ITGBL1: variants seen among roughly 807,000 people sequenced by gnomAD.
ITGBL1 encodes integrin beta-like protein 1.
ITGBL1 carries 51 observed loss-of-function variants against 68.5 expected under a neutral mutation model. The observed-to-expected ratio is 0.74, with a 90% CI of 0.59 to 0.94. The LOEUF (loss-of-function observed/expected upper bound fraction) is 0.94. ITGBL1 is among the 40% of genes least tolerant of loss of function. ITGBL1 has a pLI of 0.00. For missense variants in ITGBL1, 649 were observed against 647.4 expected (o/e 1.00, Z -0.03); for synonymous variants, 209 against 227.3 (o/e 0.92, Z 0.72).
Position 101,519,631 on chromosome 13 carries a change from C to T in ITGBL1, c.317-48068C>T, listed in dbSNP as rs529252327. On this transcript the variant is annotated intron_variant, in intron 2 of 10. Transcript: ENST00000376180. ...TTTTAATAATCTGAGTAAATGCATG[C>T]GTTTTTCCTTCTTAAATGCAAACAG... Among the ~76,000 whole-genome samples, 5 of 152,178 alleles carry T rather than the reference C, an allele frequency of 3.3e-5. No homozygotes were observed. The South Asian group carries it at 6.2e-4, about 19-fold the overall frequency.
At chr13:101,609,884 T>G (rs1254761597) in intron 7 of ITGBL1, among the ~76,000 whole-genome samples, 1 of 152,130 alleles carries the variant, frequency 6.6e-6, no homozygotes, top group Non-Finnish European at 1.5e-5. Context: ...ACAGTTTGTA[T>G]CAAAGATAGG....
Position 101,692,662 on chromosome 13 carries a change from G to T in ITGBL1, c.1093G>T (p.Asp365Tyr), listed in dbSNP as rs1393349594. Residue 365 changes from aspartate to tyrosine, a missense_variant, in exon 8 of 11, where the codon GAT (aspartate) becomes TAT (tyrosine). By Grantham distance (160) the Asp-to-Tyr change is radical (BLOSUM62 -3). Transcript: ENST00000376180. ...GTATGGCAAGACTTGTGAGTGTGAT[G>T]ATCGCCGCTGTGAAGACCTCGATGG... is the stretch of plus-strand genomic sequence containing the variant. ...RVYGKTCECD[D>Y]RRCEDLDGVV... 3.7e-6 allele frequency: 6 copies of T among 1,613,766 alleles called. No homozygotes were observed. Among genetic ancestry groups the T allele is most frequent in the East Asian group, 2.2e-5 (1 of 44,878 alleles).
At chr13:101,621,892 G>T (rs1166987052) in intron 7 of ITGBL1, among the ~76,000 whole-genome samples, 6 of 152,124 alleles carry the variant, frequency 3.9e-5, no homozygotes, top group Admixed American at 3.9e-4. Flanking sequence ...AAGGAAATAA[G>T]CCAGAGGCAG....
At chr13:101,613,738 G>T (rs1270910541) in intron 7 of ITGBL1, among the ~76,000 whole-genome samples, 2 of 152,110 alleles carry the variant, frequency 1.3e-5, no homozygotes, top group Admixed American at 1.3e-4. Flanking sequence ...GCTTGCAGAA[G>T]TATTTTTAAA....
At chr13:101,596,000 T>A (rs187461938) in intron 6 of ITGBL1, among the ~76,000 whole-genome samples, 35 of 152,288 alleles carry the variant, frequency 2.3e-4, no homozygotes, top group Middle Eastern at 3.4e-3. Context: ...ATATGTAACA[T>A]GATGTTTTGA....
At chr13:101,577,409 A>G (rs534936495) in intron 4 of ITGBL1, among the ~76,000 whole-genome samples, 2 of 152,308 alleles carry the variant, frequency 1.3e-5, no homozygotes, top group East Asian at 1.9e-4. Context: ...GTCTTGTTCA[A>G]TATTTTTATT....
chr13:101,560,025 A>G (rs1371847028), intron 2 of ITGBL1, among the ~76,000 whole-genome samples: 1 of 152,176 alleles, frequency 6.6e-6, no homozygotes, highest in Non-Finnish European at 1.5e-5. Flanking sequence ...ATACCTAAGG[A>G]ACATTTTTTT....
intron 7 of ITGBL1, among the ~76,000 whole-genome samples, chr13:101,663,135 A>C (rs1259624970): frequency 6.6e-6 from 1 of 152,188 alleles, no homozygotes; most frequent in East Asian, 1.9e-4. Context: ...ATATTTAAAT[A>C]GATGTTGAAT....
At chr13:101,519,163 C>G (rs1451417279) in intron 2 of ITGBL1, among the ~76,000 whole-genome samples, 3 of 151,798 alleles carry the variant, frequency 2.0e-5, no homozygotes, top group Non-Finnish European at 2.9e-5. Flanking sequence ...GAAAATAAAC[C>G]TTTTTGGGGG....
At chr13:101,573,512 G>GAATATACT (rs1214542945) in intron 3 of ITGBL1, among the ~76,000 whole-genome samples, 1 of 152,066 alleles carries the variant, frequency 6.6e-6, no homozygotes, top group East Asian at 1.9e-4. Context: ...TAAATATGAT[G>GAATATACT]AATATACTCT....
At chr13:101,564,736 A>G (rs1441020812) in intron 2 of ITGBL1, among the ~76,000 whole-genome samples, 1 of 150,746 alleles carries the variant, frequency 6.6e-6, no homozygotes, top group Non-Finnish European at 1.5e-5. Flanking sequence ...ACACAGGTAT[A>G]TATGTATGTG....
At chr13:101,521,118 C>G (rs1018568819) in intron 2 of ITGBL1, among the ~76,000 whole-genome samples, 3 of 152,108 alleles carry the variant, frequency 2.0e-5, no homozygotes, top group African/African-American at 7.2e-5. Context: ...TGGGTCGATT[C>G]GAAAGAACAG....
intron 2 of ITGBL1, among the ~76,000 whole-genome samples, chr13:101,468,013 G>A (rs748302619): frequency 1.3e-4 from 20 of 152,044 alleles, no homozygotes; most frequent in Non-Finnish European, 2.5e-4. Flanking sequence ...TGAAAACGTG[G>A]TAAATGCATT....
chr13:101,671,584 GC>G (rs1555365733), intron 7 of ITGBL1, among the ~76,000 whole-genome samples: 4 of 149,652 alleles, frequency 2.7e-5, no homozygotes, highest in Non-Finnish European at 1.5e-5. Flanking sequence ...GACTACAGGC[GC>G]CCGCCACCAC....
At chr13:101,588,213 T>A (rs1278953845) in intron 6 of ITGBL1, among the ~76,000 whole-genome samples, 28 of 152,076 alleles carry the variant, frequency 1.8e-4, no homozygotes, top group Admixed American at 1.8e-3. Context: ...TTGCTGCAAA[T>A]CTTCCTTTTC....
At chr13:101,544,934 T>A (rs2049791574) in intron 2 of ITGBL1, among the ~76,000 whole-genome samples, 1 of 152,206 alleles carries the variant, frequency 6.6e-6, no homozygotes, top group African/African-American at 2.4e-5. Flanking sequence ...GACCCGATTT[T>A]CCAGGTGCTG....
chr13:101,454,988 G>T (rs2048222541), intron 2 of ITGBL1, among the ~76,000 whole-genome samples: 1 of 152,106 alleles, frequency 6.6e-6, no homozygotes, highest in African/African-American at 2.4e-5. Flanking sequence ...CCTTCCCAGA[G>T]AACACCCTTA....
rs552148991 is a variant in ITGBL1 at position 101,489,811 on chromosome 13, C to T, written c.316+35711C>T. The T allele has an allele frequency of 1.0e-3, 571 of 570,452 alleles. 13 individuals are homozygous for T. In the South Asian group the frequency reaches 0.012, roughly 12 times the overall value. 35.3% of individuals were successfully genotyped at this position (570,452 alleles called of 1,614,324 possible). A position where few individuals can be genotyped will look rare whatever the true frequency, so the allele number is the denominator to read the frequency against. ...AGGTCATTGATATCAGAGGATGCTG[C>T]GATACTGATCAAACTGATAAAATAG... is the stretch of plus-strand genomic sequence containing the variant. On this transcript the variant is annotated intron_variant, in intron 2 of 10. Transcript: ENST00000376180.
intron 8 of ITGBL1, among the ~76,000 whole-genome samples, chr13:101,694,283 A>G (rs1285064480): frequency 6.6e-6 from 1 of 152,174 alleles, no homozygotes; most frequent in African/African-American, 2.4e-5. Flanking sequence ...GACATGACAT[A>G]TATTAACTCA....
Sources: gnomAD v4.1 joint callset for allele counts (sites outside exome capture counted in the v4.1 genomes callset) on GRCh38, gnomAD v4.1.1 for gene constraint, MANE v1.5 for transcripts, NCBI Gene and HGNC (gene_info 2026-07-23, HGNC 2026-07-21) for gene names.